Variants in PCNX2 observed in about 807,000 individuals in gnomAD.
PCNX2 encodes pecanex-like protein 2.
PCNX2 carries 168 observed loss-of-function variants against 223.8 expected under a neutral mutation model. The ratio of observed to expected loss-of-function variants is 0.75; its 90% CI spans 0.66 to 0.85. PCNX2 has a LOEUF of 0.85. PCNX2 is among the 40% of genes least tolerant of loss of function. PCNX2 has a pLI of 0.00. For synonymous variants in PCNX2, 1,006 were observed against 1,052.6 expected (o/e 0.96, Z 0.86); for missense variants, 2,507 against 2,675.5 (o/e 0.94, Z 1.39).
At chr1:233,217,235 A>T (rs970957017) in intron 12 of PCNX2, among the ~76,000 whole-genome samples, 1 of 152,214 alleles carries the variant, frequency 6.6e-6, no homozygotes, top group African/African-American at 2.4e-5. Context: ...AAAAAAAATG[A>T]TAACTATATG....
At chr1:233,319,338 G>T in the PCNX2 span, among the ~76,000 whole-genome samples, 8 of 152,320 alleles carry the variant, frequency 5.3e-5, no homozygotes, top group African/African-American at 1.9e-4. Flanking sequence ...GGTCATGACT[G>T]CTCCCGCAGG....
intron 10 of PCNX2, 143 bp downstream of exon 10, chr1:233,227,083 T>C: frequency 1.1e-6 from 1 of 905,312 alleles, no homozygotes; most frequent in Admixed American, 3.6e-5. Context: ...AGGATCTTTT[T>C]GCTTTAACTT....
chr1:233,261,033 G>A (rs973251589), intron 4 of PCNX2, among the ~76,000 whole-genome samples: 4 of 152,174 alleles, frequency 2.6e-5, no homozygotes, highest in Middle Eastern at 3.4e-3. Context: ...CATATGAAAT[G>A]AGGCATAGAC....
At position 233,000,161 on chromosome 1, in the gene PCNX2, C is replaced by T. The variant is rs539663126; in HGVS notation, c.5328+144G>A. On this transcript the variant is annotated intron_variant, in intron 30 of 33. Coordinates refer to ENST00000258229, the MANE Select transcript of PCNX2 (RefSeq NM_014801.4). This position sits in a 1 kb window ranked among gnomAD's most constrained non-coding sequence, Gnocchi z 4.6. ...ATGCCCTGCCCCACTTGCCAGCCAG[C>T]GCTCCTTCCAGAACATCCCTCTGAA... 3.7e-5 allele frequency: 32 copies of T among 855,872 alleles called. No homozygotes were observed. The highest frequency in any genetic ancestry group is 4.7e-5 in the Non-Finnish European group (25 of 528,286). 53.0% of individuals were successfully genotyped at this position (855,872 alleles called of 1,614,324 possible).
intron 28 of PCNX2, among the ~76,000 whole-genome samples, chr1:233,010,947 G>C (rs372034526): frequency 2.3e-3 from 345 of 152,302 alleles, no homozygotes; most frequent in African/African-American, 7.9e-3. Context: ...TTGGTCAAGT[G>C]AAGCATATGT....
chr1:233,235,062 G>T (rs1658303992), intron 9 of PCNX2, among the ~76,000 whole-genome samples: 1 of 152,050 alleles, frequency 6.6e-6, no homozygotes, highest in African/African-American at 2.4e-5. Flanking sequence ...ACTGGACTAA[G>T]GGGATGCTCC....
At chr1:233,064,802 T>C (rs1672531167) in intron 23 of PCNX2, among the ~76,000 whole-genome samples, 1 of 152,196 alleles carries the variant, frequency 6.6e-6, no homozygotes, top group African/African-American at 2.4e-5. Context: ...TTATCTAGTC[T>C]GCTACATCTC....
intron 15 of PCNX2, among the ~76,000 whole-genome samples, chr1:233,195,180 T>G (rs1322708048): frequency 6.6e-6 from 1 of 152,110 alleles, no homozygotes; most frequent in African/African-American, 2.4e-5. Context: ...ACTGAACAAT[T>G]TATGTAATTC....
intron 1 of PCNX2, among the ~76,000 whole-genome samples, chr1:233,269,969 CT>C (rs1364619701): frequency 6.6e-6 from 1 of 152,182 alleles, no homozygotes; most frequent in Non-Finnish European, 1.5e-5. Flanking sequence ...TATGAGTTGC[CT>C]TATCTGCTTC....
chr1:233,085,735 G>A (rs1261164860), intron 23 of PCNX2, among the ~76,000 whole-genome samples: 1 of 152,146 alleles, frequency 6.6e-6, no homozygotes, highest in Non-Finnish European at 1.5e-5. Flanking sequence ...AGGCCACCAT[G>A]CTCTCAGGAA....
At chr1:233,016,719 A>G (rs1314407970) in intron 27 of PCNX2, 24 of 941,564 alleles carry the variant, frequency 2.5e-5, no homozygotes, top group Non-Finnish European at 2.9e-5. Context: ...TATATCTTTA[A>G]GTGTCCTTCA....
At chr1:233,307,779 G>T in the PCNX2 span, among the ~76,000 whole-genome samples, 22,284 of 152,182 alleles carry the variant, frequency 0.15, 1,776 homozygotes, top group Middle Eastern at 0.18. Flanking sequence ...AGCACAGAGA[G>T]GTTAAGTAAA....
At chr1:232,998,220 T>C (rs1421035451) in intron 32 of PCNX2, 31 bp downstream of exon 32, 1 of 1,496,934 alleles carries the variant, frequency 6.7e-7, no homozygotes, top group African/African-American at 1.4e-5. Context: ...TAGGACTTCA[T>C]CGATAGTTTG....
chr1:233,292,711 C>G (rs1661842905), intron 1 of PCNX2, among the ~76,000 whole-genome samples: 1 of 152,154 alleles, frequency 6.6e-6, no homozygotes. Flanking sequence ...GCACGAAGAT[C>G]TGAAGAACAA....
chr1:233,008,195 T>C (rs1479188374), intron 28 of PCNX2, among the ~76,000 whole-genome samples: 1 of 152,214 alleles, frequency 6.6e-6, no homozygotes, highest in Non-Finnish European at 1.5e-5. Context: ...AGTTACTCCA[T>C]TGGCTCTAAA....
chr1:233,162,994 T>C (rs1678582434), intron 17 of PCNX2, among the ~76,000 whole-genome samples: 1 of 152,122 alleles, frequency 6.6e-6, no homozygotes, highest in African/African-American at 2.4e-5. Flanking sequence ...ATTATTAACC[T>C]TTTTTTCACA....
chr1:232,988,285 G>A (rs1441227949), intron 32 of PCNX2, among the ~76,000 whole-genome samples: 1 of 152,162 alleles, frequency 6.6e-6, no homozygotes, highest in Non-Finnish European at 1.5e-5. Context: ...ACTTGGTGGG[G>A]AACTTCCTAG....
chr1:233,176,561 G>A (rs1349288500), intron 17 of PCNX2, among the ~76,000 whole-genome samples: 2 of 152,348 alleles, frequency 1.3e-5, no homozygotes, highest in South Asian at 2.1e-4. Context: ...TTGGCTAAAC[G>A]TTTATCTGAC....
intron 15 of PCNX2, among the ~76,000 whole-genome samples, chr1:233,192,332 C>T (rs1370319254): frequency 6.6e-6 from 1 of 152,146 alleles, no homozygotes. Flanking sequence ...GGAAGGTCAG[C>T]CCAGTGTTGC....
Sources: gnomAD v4.1 joint callset for allele counts (sites outside exome capture counted in the v4.1 genomes callset) on GRCh38, gnomAD v4.1.1 for gene constraint, Gnocchi (gnomAD v3.1) non-coding constraint, MANE v1.5 for transcripts, NCBI Gene and HGNC (gene_info 2026-07-23, HGNC 2026-07-21) for gene names.